The following BRD3 variants were observed in gnomAD, a reference collection of about 807,000 sequenced individuals.
BRD3 encodes bromodomain-containing protein 3.
In BRD3, 17 loss-of-function variants were observed where a neutral mutation model predicts 66.8. That is an observed-to-expected ratio of 0.25 (90% CI 0.17 to 0.38). BRD3 has a LOEUF of 0.38. BRD3 is among the 10% of genes least tolerant of loss of function. The pLI, the probability that BRD3 is intolerant of heterozygous loss-of-function variation, is 1.00. For synonymous variants in BRD3, 421 were observed against 393.2 expected (o/e 1.07, Z -0.84); for missense variants, 713 against 956.1 (o/e 0.75, Z 3.35).
At chr9:134,042,160 A>G (rs1003258092) in intron 7 of BRD3, among the ~76,000 whole-genome samples, 22 of 151,804 alleles carry the variant, frequency 1.4e-4, no homozygotes, top group Admixed American at 1.3e-3. Flanking sequence ...TCCTGCGGAC[A>G]GGCCTGGGAA....
At chr9:134,066,958 G>C (rs1346551178) in intron 1 of BRD3, among the ~76,000 whole-genome samples, 1 of 152,256 alleles carries the variant, frequency 6.6e-6, no homozygotes, top group Non-Finnish European at 1.5e-5. Flanking sequence ...TCCAGGGAAA[G>C]GAGGCCGCGC....
At chr9:134,060,247 A>G (rs990739363) in intron 1 of BRD3, among the ~76,000 whole-genome samples, 3 of 152,128 alleles carry the variant, frequency 2.0e-5, no homozygotes, top group East Asian at 1.9e-4. Context: ...ACAAACCACA[A>G]AAGTCCTCGA....
rs200571388 is a variant in BRD3 at position 134,048,188 on chromosome 9, G to A, written c.981C>T (p.His327=). The A allele has an allele frequency of 2.5e-5, 41 of 1,612,664 alleles. No homozygotes were observed. The East Asian group carries it at 6.2e-4, about 25-fold the overall frequency. The change falls in exon 6 of 12, where the codon CAC becomes CAT. Residue 327 remains histidine, a synonymous_variant. Transcript: ENST00000303407. Reference sequence around the variant, plus strand: ...TGTAGAAGGGCCAGGCGTAGGCCGCGTGCTTCTTGGATAGCATCTCCCTGA... The same window carrying A: ...TGTAGAAGGGCCAGGCGTAGGCCGCATGCTTCTTGGATAGCATCTCCCTGA... The part of the protein sequence containing the change: ...SILREMLSKK[H]AAYAWPFYKP...
chr9:134,050,832 G>A (rs747917552), intron 4 of BRD3, among the ~76,000 whole-genome samples: 6 of 152,134 alleles, frequency 3.9e-5, no homozygotes, highest in African/African-American at 1.4e-4. Context: ...CATAGGAGGC[G>A]GAACGAGGAA....
rs1256104225 is a variant in BRD3, at chr9:134,036,101, G to T, written c.1867C>A (p.Pro623Thr). Residue 623 changes from proline to threonine, a missense_variant, in exon 10 of 12, where the codon CCC (proline) becomes ACC (threonine). By Grantham distance (38) the Pro-to-Thr change is conservative. Around this residue, in one of 5 missense-constraint regions of BRD3, gnomAD observed 418 missense variants for 609.3 expected, o/e 0.69. Coordinates refer to ENST00000303407, the MANE Select transcript of BRD3 (RefSeq NM_007371.4). ...EIEIDFETLK[P>T]TTLRELERYV... ...CTCTCCAGTTCCCGCAAAGTGGTGGGTTTCAGAGTCTCAAAGTCAATTTCT... is the reference window on the plus strand; with the variant it reads ...CTCTCCAGTTCCCGCAAAGTGGTGGTTTTCAGAGTCTCAAAGTCAATTTCT... The T allele has an allele frequency of 6.2e-7, 1 of 1,614,108 alleles. No individual in the cohort carries two copies.
intron 1 of BRD3, among the ~76,000 whole-genome samples, chr9:134,055,448 G>A (rs146184463): frequency 2.0e-5 from 3 of 152,174 alleles, no homozygotes; most frequent in Non-Finnish European, 2.9e-5. Context: ...AAGGCCTCCA[G>A]GTAGCTCCCA....
rs1843544290 is a variant in BRD3 at position 134,033,366 on chromosome 9, TGAA to T, written c.*221_*223del. 1 of 455,792 alleles carries T rather than the reference TGAA, an allele frequency of 2.2e-6. No individual in the cohort carries two copies. The highest frequency in any genetic ancestry group is 3.9e-6 in the Non-Finnish European group (1 of 258,346). 28.2% of individuals were successfully genotyped at this position (455,792 alleles called of 1,614,324 possible). A position where few individuals can be genotyped will look rare whatever the true frequency, so the allele number is the denominator to read the frequency against. The stretch of plus-strand genomic sequence containing the variant: ...ATCTCCAAGTGACTGAATTCAGTGA[TGAA>T]GAAGAGACTTTCTGCAGAGTTCACA... On this transcript the variant is annotated 3_prime_UTR_variant, in exon 12 of 12. Transcript: ENST00000303407. The surrounding 1 kb of genome is among the most constrained non-coding windows in gnomAD (Gnocchi z 5.1).
At chr9:134,059,057 G>A (rs922495742) in intron 1 of BRD3, among the ~76,000 whole-genome samples, 34 of 152,240 alleles carry the variant, frequency 2.2e-4, no homozygotes, top group African/African-American at 7.5e-4. Context: ...GTATGGTGGC[G>A]TTGTGGTTAC....
At position 134,048,223 on chromosome 9, in the gene BRD3, C is replaced by G. The variant is rs777852238; in HGVS notation, c.946G>C (p.Asp316His). Residue 316 changes from aspartate (D) to histidine (H), a missense_variant, in exon 6 of 12, where the codon GAC becomes CAC. Transcript: ENST00000303407. ...GKLSEHLRYC[D>H]SILREMLSKK... Reference sequence around the variant, plus strand: ...GATAGCATCTCCCTGAGGATGCTGTCGCAGTAGCGTAGGTGCTCCGACAGC... The same window carrying G: ...GATAGCATCTCCCTGAGGATGCTGTGGCAGTAGCGTAGGTGCTCCGACAGC... 13 of 1,612,684 alleles carry G rather than the reference C, an allele frequency of 8.1e-6. No homozygotes were observed. Among genetic ancestry groups the G allele is most frequent in the Non-Finnish European group, 1.1e-5 (13 of 1,179,832 alleles).
chr9:134,045,492 G>A lies in BRD3; in HGVS notation c.1087-71C>T. ...CAGGACTCTCTGCCACACCCCACGA[G>A]ATGAACTCTGGAGCCTCAGGAGCCA... On this transcript the variant is annotated intron_variant, in intron 6 of 11. Transcript: ENST00000303407. This position sits in a 1 kb window ranked among gnomAD's most constrained non-coding sequence, Gnocchi z 4.8. The A allele has an allele frequency of 1.9e-6, 3 of 1,597,086 alleles. No homozygotes were observed. The highest frequency in any genetic ancestry group is 1.7e-6 in the Non-Finnish European group (2 of 1,168,996).
intron 8 of BRD3, among the ~76,000 whole-genome samples, chr9:134,041,267 G>A (rs1830041252): frequency 6.6e-6 from 1 of 152,162 alleles, no homozygotes; most frequent in African/African-American, 2.4e-5. Flanking sequence ...GCTCAGAGTG[G>A]GTGACATTTG....
chr9:134,053,786 C>G, intron 1 of BRD3, 196 bp from the exon 2 acceptor site: 1 of 416,304 alleles, frequency 2.4e-6, no homozygotes, highest in South Asian at 4.5e-5. Flanking sequence ...CAGCTCAGAA[C>G]GACTCTCCAA....
intron 1 of BRD3, among the ~76,000 whole-genome samples, chr9:134,067,160 G>A (rs1413832694): frequency 6.6e-6 from 1 of 152,240 alleles, no homozygotes; most frequent in Non-Finnish European, 1.5e-5. Flanking sequence ...AGGAGGGGAA[G>A]CACCCCCGTC....
intron 1 of BRD3, among the ~76,000 whole-genome samples, chr9:134,063,514 G>A (rs1251563981): frequency 6.6e-6 from 1 of 152,230 alleles, no homozygotes; most frequent in Non-Finnish European, 1.5e-5. Flanking sequence ...CATCCTCTCA[G>A]CCGCTTATAG....
At chr9:134,053,220 C>T (rs200032525) in intron 2 of BRD3, 45 bp downstream of exon 2, 40 of 1,598,668 alleles carry the variant, frequency 2.5e-5, no homozygotes, top group African/African-American at 9.4e-5. Context: ...GGACAGAGGA[C>T]GGCAGCAGCA....
intron 1 of BRD3, among the ~76,000 whole-genome samples, chr9:134,066,488 T>C (rs866134192): frequency 6.6e-5 from 10 of 151,682 alleles, no homozygotes; most frequent in South Asian, 6.2e-4. Context: ...AGTAACAAAC[T>C]ACTTTCCCCA....
Position 134,045,223 on chromosome 9 carries a change from C to T in BRD3, c.1215+70G>A. 2 of 1,589,546 alleles carry T rather than the reference C, an allele frequency of 1.3e-6. No individual in the cohort carries two copies. Among genetic ancestry groups the T allele is most frequent in the Non-Finnish European group, 1.7e-6 (2 of 1,164,382 alleles). On this transcript the variant is annotated intron_variant, in intron 7 of 11. Coordinates refer to ENST00000303407, the MANE Select transcript of BRD3 (RefSeq NM_007371.4). The surrounding 1 kb of genome is among the most constrained non-coding windows in gnomAD (Gnocchi z 4.8). ...GGCTGGACATTCACCTGGGCGCTTA[C>T]CCCACACTGAGGCCAGGATGCCCAC...
At chr9:134,051,162 C>T (rs1830285843) in intron 4 of BRD3, among the ~76,000 whole-genome samples, 1 of 152,182 alleles carries the variant, frequency 6.6e-6, no homozygotes, top group African/African-American at 2.4e-5. Flanking sequence ...GTGATAGTGA[C>T]TCTCAGGTCA....
At chr9:134,065,035 G>A (rs61579331) in intron 1 of BRD3, among the ~76,000 whole-genome samples, 2,082 of 152,322 alleles carry the variant, frequency 0.014, 58 homozygotes, top group African/African-American at 0.047. Flanking sequence ...AGGCAGACCC[G>A]CAAGTTCCAA....
Sources: allele counts gnomAD v4.1 joint callset (sites outside exome capture counted in the v4.1 genomes callset), GRCh38; gene constraint gnomAD v4.1.1; regional missense constraint gnomAD v4.1.1; non-coding constraint Gnocchi (gnomAD v3.1); transcripts MANE v1.5; gene names NCBI Gene and HGNC (gene_info 2026-07-23, HGNC 2026-07-21).